TECTA: variants seen among roughly 807,000 people sequenced by gnomAD.
The protein encoded by TECTA is tectorin alpha.
Under a neutral mutation model 216.8 loss-of-function variants are expected in TECTA, and 128 were observed. That is an observed-to-expected ratio of 0.59 (90% CI 0.51 to 0.68). The LOEUF (loss-of-function observed/expected upper bound fraction) is 0.68, where lower values mean the gene tolerates loss of function less well. Among genes scored for constraint, TECTA ranks in the 30% least tolerant of loss-of-function variants. The pLI, the probability that TECTA is intolerant of heterozygous loss-of-function variation, is 0.00. For synonymous variants in TECTA, 1,089 were observed against 1,117.1 expected, an observed-to-expected ratio of 0.97 and a Z score of 0.50; for missense variants, 2,551 against 2,786.2, an observed-to-expected ratio of 0.92 and a Z score of 1.90.
intron 3 of TECTA, among the ~76,000 whole-genome samples, chr11:121,107,539 A>G (rs1300877868): frequency 6.6e-6 from 1 of 152,220 alleles, no homozygotes; most frequent in Admixed American, 6.5e-5. Context: ...GCCACTGTTA[A>G]TGTCCATAAT....
intron 20 of TECTA, among the ~76,000 whole-genome samples, chr11:121,180,813 C>CT (rs34807486): frequency 0.027 from 3,280 of 119,960 alleles, 63 homozygotes; most frequent in Middle Eastern, 0.045. Context: ...TTTCTTATTC[C>CT]TTTTTTTTTT....
chr11:121,139,709 A>G (rs561670463), intron 11 of TECTA, among the ~76,000 whole-genome samples: 54 of 151,634 alleles, frequency 3.6e-4, no homozygotes, highest in Non-Finnish European at 6.2e-4. Flanking sequence ...AAAATAATGA[A>G]TGAAATGATA....
At chr11:121,145,524 G>A (rs761086099) in intron 11 of TECTA, 31 bp from the exon 12 acceptor site, 1 of 1,611,772 alleles carries the variant, frequency 6.2e-7, no homozygotes, top group Non-Finnish European at 8.5e-7. Flanking sequence ...TGGGCCAACT[G>A]TGTTTCTCCA....
chr11:121,178,269 G>A (rs369617489), intron 20 of TECTA, among the ~76,000 whole-genome samples: 20 of 152,312 alleles, frequency 1.3e-4, no homozygotes, highest in South Asian at 2.1e-4. Flanking sequence ...CGTCTTCTGC[G>A]TCGCTCACGC....
chr11:121,163,655 G>A (rs1475285207), intron 16 of TECTA, among the ~76,000 whole-genome samples: 1 of 152,054 alleles, frequency 6.6e-6, no homozygotes, highest in Non-Finnish European at 1.5e-5. Flanking sequence ...TAACTGTTTT[G>A]AACTTTTCAA....
chr11:121,162,436 T>C, intron 16 of TECTA, 66 bp downstream of exon 16: 1 of 1,543,692 alleles, frequency 6.5e-7, no homozygotes, highest in Non-Finnish European at 8.7e-7. Context: ...GCTGGTAGCA[T>C]TGCTTTTTCT....
In TECTA at chr11:121,113,812, T is replaced by A; in HGVS notation, c.790+94T>A. 6.9e-7 allele frequency: 1 copy of A among 1,455,570 alleles called. No homozygotes were observed. Among genetic ancestry groups the A allele is most frequent in the African/African-American group, 1.4e-5 (1 of 71,728 alleles). The allele number at this position is 1,455,570 out of a possible 1,614,324, so 90.2% of individuals were successfully genotyped here. A position where few individuals can be genotyped will look rare whatever the true frequency, so the allele number is the denominator to read the frequency against. ...GCCACGGGGGCGGACTCATTCCTGA[T>A]GCCTTACTCTTTTGACATCTCTCCG... On this transcript the variant is annotated intron_variant, in intron 6 of 23. Transcript: ENST00000392793. The surrounding 1 kb of genome is among the most constrained non-coding windows in gnomAD (Gnocchi z 4.2).
chr11:121,175,957 C>G (rs1947161621), intron 20 of TECTA, among the ~76,000 whole-genome samples: 1 of 151,754 alleles, frequency 6.6e-6, no homozygotes, highest in Non-Finnish European at 1.5e-5. Flanking sequence ...CCTTCTTTGT[C>G]TCTTTTGATC....
intron 20 of TECTA, among the ~76,000 whole-genome samples, chr11:121,170,475 A>G (rs528212491): frequency 3.6e-4 from 55 of 151,480 alleles, no homozygotes; most frequent in African/African-American, 1.3e-3. Flanking sequence ...TTTGTTTTGC[A>G]TGTGTGTGTG....
intron 20 of TECTA, among the ~76,000 whole-genome samples, chr11:121,176,916 T>A (rs1294610348): frequency 6.6e-6 from 1 of 152,202 alleles, no homozygotes; most frequent in Non-Finnish European, 1.5e-5. Flanking sequence ...TTGCTTCATT[T>A]CATTCATTTC....
chr11:121,166,550 T>C (rs923083172), intron 17 of TECTA, 28 bp from the exon 18 acceptor site: 14 of 1,613,352 alleles, frequency 8.7e-6, no homozygotes, highest in Non-Finnish European at 1.2e-5. Context: ...CTCCACTGAT[T>C]TGCCTTTCGT....
chr11:121,154,229 T>C (rs921540231), intron 13 of TECTA, among the ~76,000 whole-genome samples: 2 of 152,240 alleles, frequency 1.3e-5, no homozygotes, highest in African/African-American at 4.8e-5. Context: ...TTTGTAAAGA[T>C]ACATTGACTC....
intron 13 of TECTA, among the ~76,000 whole-genome samples, chr11:121,153,290 A>T (rs1946911284): frequency 6.6e-6 from 1 of 152,062 alleles, no homozygotes; most frequent in Non-Finnish European, 1.5e-5. Context: ...AAAACACCTG[A>T]GTGTCTCCTT....
At chr11:121,120,341 G>T (rs1946545587) in intron 7 of TECTA, among the ~76,000 whole-genome samples, 1 of 152,208 alleles carries the variant, frequency 6.6e-6, no homozygotes, top group African/African-American at 2.4e-5. Context: ...GACTCCAACT[G>T]CAAGCTAACA....
At chr11:121,190,269 C>G (rs1947328605) in intron 23 of TECTA, among the ~76,000 whole-genome samples, 1 of 152,120 alleles carries the variant, frequency 6.6e-6, no homozygotes, top group Non-Finnish European at 1.5e-5. Context: ...GTTGGCAGGA[C>G]TCTCTTCCTT....
chr11:121,177,254 C>T (rs1351590308), intron 20 of TECTA, among the ~76,000 whole-genome samples: 1 of 141,454 alleles, frequency 7.1e-6, no homozygotes, highest in African/African-American at 2.7e-5. Flanking sequence ...AGGCGCTCTG[C>T]TTTTTAGAGT....
At chr11:121,120,845 C>G (rs373534740) in intron 7 of TECTA, among the ~76,000 whole-genome samples, 34 of 152,252 alleles carry the variant, frequency 2.2e-4, no homozygotes, top group African/African-American at 8.2e-4. Context: ...CCAAGGCCAA[C>G]TAGCCCATGG....
At chr11:121,178,623 A>G (rs1423139547) in intron 20 of TECTA, among the ~76,000 whole-genome samples, 1 of 151,148 alleles carries the variant, frequency 6.6e-6, no homozygotes, top group Non-Finnish European at 1.5e-5. Flanking sequence ...GCTAGGAAGA[A>G]TCCCCAAATT....
Position 121,113,248 on chromosome 11 carries a change from C to G in TECTA, c.624+39C>G. The G allele has an allele frequency of 1.9e-6, 3 of 1,613,274 alleles. No individual in the cohort carries two copies. Among genetic ancestry groups the G allele is most frequent in the South Asian group, 1.1e-5 (1 of 91,018 alleles). ...CACTTCATCCCCCGCGTGTTTCCGT[C>G]GCTGCACTCTCTGCTTCTGTGGCTC... On this transcript the variant is annotated intron_variant, in intron 5 of 23. Transcript: ENST00000392793. This position sits in a 1 kb window ranked among gnomAD's most constrained non-coding sequence, Gnocchi z 4.2.
Sources: gnomAD v4.1 joint callset for allele counts (sites outside exome capture counted in the v4.1 genomes callset) on GRCh38, gnomAD v4.1.1 for gene constraint, Gnocchi (gnomAD v3.1) non-coding constraint, MANE v1.5 for transcripts, NCBI Gene and HGNC (gene_info 2026-07-23, HGNC 2026-07-21) for gene names.